The following PLA2G4A variants were observed in gnomAD, a reference collection of about 807,000 sequenced individuals.
PLA2G4A encodes cytosolic phospholipase A2.
PLA2G4A carries 40 observed loss-of-function variants against 81.9 expected under a neutral mutation model. That is an observed-to-expected ratio of 0.49 (90% CI 0.38 to 0.64). The LOEUF (loss-of-function observed/expected upper bound fraction) is 0.64. PLA2G4A is among the 30% of genes least tolerant of loss of function. PLA2G4A has a pLI of 0.00. For missense variants in PLA2G4A, 715 were observed against 905.1 expected, an observed-to-expected ratio of 0.79 and a Z score of 2.69; for synonymous variants, 302 against 296.9, an observed-to-expected ratio of 1.02 and a Z score of -0.18.
rs527925784 is a variant in PLA2G4A at position 186,876,847 on chromosome 1, G to A, written c.115+6331G>A. 1.3e-4 allele frequency among the ~76,000 whole-genome samples: 20 copies of A among 152,156 alleles called. 1 individual carries two copies. The highest frequency in any genetic ancestry group is 1.2e-3 in the Admixed American group (19 of 15,266). ...AAACCCAAATGCATAACATTTTCCC[G>A]AAGGGTAACCCTCTTTCCTTCAGCT... On this transcript the variant is annotated intron_variant, in intron 3 of 17. Transcript: ENST00000367466.
At chr1:186,915,286 T>C (rs886214451) in intron 7 of PLA2G4A, among the ~76,000 whole-genome samples, 16 of 152,268 alleles carry the variant, frequency 1.1e-4, no homozygotes, top group African/African-American at 3.9e-4. Flanking sequence ...CCAATCTATT[T>C]TGACAGATAG....
intron 7 of PLA2G4A, among the ~76,000 whole-genome samples, chr1:186,928,926 G>A (rs186636890): frequency 6.6e-6 from 1 of 152,126 alleles, no homozygotes; most frequent in South Asian, 2.1e-4. Context: ...CTTCTCAGCA[G>A]CACTTACTTG....
At chr1:186,895,096 T>A (rs915078693) in intron 5 of PLA2G4A, among the ~76,000 whole-genome samples, 3 of 152,204 alleles carry the variant, frequency 2.0e-5, no homozygotes, top group African/African-American at 7.2e-5. Flanking sequence ...CCTTTGAGTC[T>A]CCATGATAAT....
rs542225011 is a variant in PLA2G4A, at chr1:186,921,716, C to T, written c.558+10327C>T. Among the ~76,000 whole-genome samples, 210 of 152,100 alleles carry T rather than the reference C, an allele frequency of 1.4e-3. 2 individuals are homozygous for T. The highest frequency in any genetic ancestry group is 6.8e-3 in the Middle Eastern group (2 of 294). On this transcript the variant is annotated intron_variant, in intron 7 of 17. Coordinates refer to ENST00000367466, the MANE Select transcript of PLA2G4A (RefSeq NM_024420.3). ...GGAGGGGGTACTGCTGATACCAATT[C>T]CTGCCATGATTCTTCTGGAGTTGGG...
chr1:186,863,455 T>C (rs1652887393), intron 2 of PLA2G4A, among the ~76,000 whole-genome samples: 1 of 152,212 alleles, frequency 6.6e-6, no homozygotes, highest in Non-Finnish European at 1.5e-5. Context: ...ATTTGTAGCA[T>C]ATTCATCATC....
chr1:186,844,784 A>G (rs1558354101), intron 1 of PLA2G4A, among the ~76,000 whole-genome samples: 1 of 152,250 alleles, frequency 6.6e-6, no homozygotes, highest in Non-Finnish European at 1.5e-5. Context: ...CTTAAAGTAT[A>G]ATAAAAAAAA....
intron 17 of PLA2G4A, among the ~76,000 whole-genome samples, chr1:186,985,374 C>A (rs539995534): frequency 7.9e-5 from 12 of 152,220 alleles, no homozygotes; most frequent in African/African-American, 2.6e-4. Context: ...AAAATGCAAG[C>A]CTGATGAACT....
chr1:186,941,734 C>T (rs898327639), intron 10 of PLA2G4A, among the ~76,000 whole-genome samples: 2 of 152,124 alleles, frequency 1.3e-5, no homozygotes, highest in Non-Finnish European at 2.9e-5. Context: ...TCTTTCCTCA[C>T]CACAATATAT....
At chr1:186,949,757 C>T (rs1346492893) in intron 12 of PLA2G4A, among the ~76,000 whole-genome samples, 1 of 151,946 alleles carries the variant, frequency 6.6e-6, no homozygotes, top group East Asian at 1.9e-4. Flanking sequence ...CACTGTGGCT[C>T]ACACCAGTAA....
chr1:186,946,136 CT>C (rs1656337817), intron 10 of PLA2G4A, among the ~76,000 whole-genome samples: 1 of 152,068 alleles, frequency 6.6e-6, no homozygotes, highest in Non-Finnish European at 1.5e-5. Context: ...GGCATTCAAC[CT>C]AAAAACTTTG....
chr1:186,868,472 A>G (rs930761385), intron 2 of PLA2G4A, among the ~76,000 whole-genome samples: 8 of 152,106 alleles, frequency 5.3e-5, no homozygotes, highest in Non-Finnish European at 1.2e-4. Flanking sequence ...ATTGGCTTGT[A>G]GTTTTCTTTT....
chr1:186,954,597 ATATT>A (rs1287861569), intron 13 of PLA2G4A, among the ~76,000 whole-genome samples: 1 of 152,082 alleles, frequency 6.6e-6, no homozygotes, highest in African/African-American at 2.4e-5. Context: ...ATAAAAATAT[ATATT>A]TATTATGGTT....
chr1:186,901,278 C>A (rs1654528780), intron 5 of PLA2G4A, among the ~76,000 whole-genome samples: 1 of 152,128 alleles, frequency 6.6e-6, no homozygotes, highest in Non-Finnish European at 1.5e-5. Flanking sequence ...TATTTTGGGT[C>A]ACTAACAATT....
intron 15 of PLA2G4A, among the ~76,000 whole-genome samples, chr1:186,970,146 A>G (rs1053077614): frequency 6.6e-6 from 1 of 151,896 alleles, no homozygotes; most frequent in East Asian, 1.9e-4. Context: ...TTTAATTTGT[A>G]TTTCTTTGAG....
chr1:186,983,893 G>A (rs1657808697), intron 17 of PLA2G4A, among the ~76,000 whole-genome samples: 1 of 152,016 alleles, frequency 6.6e-6, no homozygotes, highest in South Asian at 2.1e-4. Context: ...TTTTGTAAAG[G>A]GAAACGATGG....
intron 8 of PLA2G4A, among the ~76,000 whole-genome samples, chr1:186,935,629 T>C (rs1237489931): frequency 2.0e-5 from 3 of 151,878 alleles, no homozygotes; most frequent in Admixed American, 1.3e-4. Context: ...GAAGAGATGC[T>C]CCCTTACCAG....
At chr1:186,835,803 T>G (rs1261854316) in intron 1 of PLA2G4A, among the ~76,000 whole-genome samples, 1 of 152,218 alleles carries the variant, frequency 6.6e-6, no homozygotes, top group Non-Finnish European at 1.5e-5. Flanking sequence ...TTAGAAAGAT[T>G]TGTCACAGCA....
intron 1 of PLA2G4A, among the ~76,000 whole-genome samples, chr1:186,847,357 CGTGT>C (rs34724808): frequency 0.21 from 31,148 of 146,158 alleles, 3,354 homozygotes; most frequent in African/African-American, 0.28. Context: ...TTATTTCATA[CGTGT>C]GTGTGTGTGT....
chr1:186,914,299 G>A (rs916334365), intron 7 of PLA2G4A, among the ~76,000 whole-genome samples: 8 of 151,358 alleles, frequency 5.3e-5, no homozygotes, highest in African/African-American at 1.9e-4. Context: ...TGGGGATCTT[G>A]CTATATTGCC....
Sources: gnomAD v4.1 joint callset for allele counts (sites outside exome capture counted in the v4.1 genomes callset) on GRCh38, gnomAD v4.1.1 for gene constraint, MANE v1.5 for transcripts, NCBI Gene and HGNC (gene_info 2026-07-23, HGNC 2026-07-21) for gene names.